Variants in CEP20 observed in about 807,000 individuals in gnomAD.
CEP20 encodes the protein centrosomal protein 20, also known as FGFR1OP N-terminal like.
Under a neutral mutation model 20.0 loss-of-function variants are expected in CEP20, and 18 were observed. The observed-to-expected ratio is 0.90, with a 90% CI of 0.62 to 1.34. CEP20 has a LOEUF of 1.34. Ranked by LOEUF, CEP20 falls within the 40% of genes most tolerant of loss-of-function variation. CEP20 has a pLI of 0.00. For synonymous variants in CEP20, 77 were observed against 73.7 expected, an observed-to-expected ratio of 1.04 and a Z score of -0.23; for missense variants, 215 against 201.6, an observed-to-expected ratio of 1.07 and a Z score of -0.40.
chr16:15,883,033 T>C (rs942091292), intron 2 of CEP20: 3 of 151,324 alleles, frequency 2.0e-5, no homozygotes, highest in East Asian at 2.0e-4. Context: ...GAGATCACAA[T>C]AGAGTGAGAC....
chr16:15,885,487 G>C (rs748370132), intron 1 of CEP20, among the ~76,000 whole-genome samples: 1 of 152,144 alleles, frequency 6.6e-6, no homozygotes, highest in Non-Finnish European at 1.5e-5. Context: ...CAGGCTCCCT[G>C]GTTCAAGCAA....
intron 4 of CEP20, among the ~76,000 whole-genome samples, chr16:15,872,565 G>A (rs1460744463): frequency 1.3e-5 from 2 of 152,050 alleles, no homozygotes; most frequent in Admixed American, 6.6e-5. Flanking sequence ...AAAATTAGCT[G>A]GGTGTGGTGC....
At chr16:15,875,050 G>A (rs1411240269) in intron 3 of CEP20, among the ~76,000 whole-genome samples, 2 of 152,154 alleles carry the variant, frequency 1.3e-5, no homozygotes, top group Non-Finnish European at 2.9e-5. Flanking sequence ...CCTCAAGGGG[G>A]AGCCTGAGCT....
At chr16:15,873,751 A>G in intron 3 of CEP20, 124 bp from the exon 4 acceptor site, 1 of 1,142,870 alleles carries the variant, frequency 8.7e-7, no homozygotes, top group Non-Finnish European at 1.2e-6. Flanking sequence ...GATTCACTAG[A>G]CTTTAAAAAG....
At chr16:15,879,711 G>A (rs1597002615) in intron 3 of CEP20, 93 bp downstream of exon 3, 2 of 739,446 alleles carry the variant, frequency 2.7e-6, no homozygotes, top group East Asian at 2.8e-5. Flanking sequence ...CACTAGATCT[G>A]AATAAATACT....
At chr16:15,872,996 A>G (rs1467026606) in intron 4 of CEP20, among the ~76,000 whole-genome samples, 1 of 152,048 alleles carries the variant, frequency 6.6e-6, no homozygotes, top group Non-Finnish European at 1.5e-5. Context: ...ACTTGATAAA[A>G]AGCTATTTAT....
chr16:15,883,003 G>A (rs2045145594), intron 2 of CEP20: 2 of 152,224 alleles, frequency 1.3e-5, no homozygotes, highest in East Asian at 1.9e-4. Flanking sequence ...GAACCCAGGA[G>A]GCGGAGGATG....
intron 1 of CEP20, 91 bp downstream of exon 1, chr16:15,888,467 A>G (rs1288292460): frequency 6.4e-7 from 1 of 1,552,344 alleles, no homozygotes; most frequent in East Asian, 2.3e-5. Flanking sequence ...AAGCCAACCC[A>G]TGTGTTCCGC....
At chr16:15,880,780 A>G (rs2045078432) in intron 2 of CEP20, among the ~76,000 whole-genome samples, 1 of 151,896 alleles carries the variant, frequency 6.6e-6, no homozygotes, top group Non-Finnish European at 1.5e-5. Flanking sequence ...TCACTGCCTG[A>G]GCTCAGCCTC....
At chr16:15,874,520 A>G (rs1227607423) in intron 3 of CEP20, among the ~76,000 whole-genome samples, 1 of 152,100 alleles carries the variant, frequency 6.6e-6, no homozygotes, top group Non-Finnish European at 1.5e-5. Flanking sequence ...TTATATTAGT[A>G]CTCTTGCATC....
intron 4 of CEP20, among the ~76,000 whole-genome samples, chr16:15,867,830 G>A (rs12598898): frequency 0.067 from 10,194 of 151,736 alleles, 464 homozygotes; most frequent in East Asian, 0.22. Context: ...AAAATTACCC[G>A]GGCGTGGTGG....
At chr16:15,888,392 G>A (rs1192409767) in intron 1 of CEP20, among the ~76,000 whole-genome samples, 166 bp downstream of exon 1, 1 of 152,028 alleles carries the variant, frequency 6.6e-6, no homozygotes, top group African/African-American at 2.4e-5. Flanking sequence ...AGCTCCCCGC[G>A]CACGGGCCAA....
intron 2 of CEP20, among the ~76,000 whole-genome samples, chr16:15,881,151 C>T (rs2045088213): frequency 6.6e-6 from 1 of 152,044 alleles, no homozygotes; most frequent in African/African-American, 2.4e-5. Context: ...TGATTGTGAT[C>T]TGGTAGTAAT....
In CEP20 at chr16:15,866,353, T is replaced by G. The variant is rs1186799332; in HGVS notation, c.*1087A>C. 2 of 152,200 alleles carry G rather than the reference T, an allele frequency of 1.3e-5. No homozygotes were observed. The highest frequency in any genetic ancestry group is 2.9e-5 in the Non-Finnish European group (2 of 68,036). 9.4% of individuals were successfully genotyped at this position (152,200 alleles called of 1,614,324 possible). A position where few individuals can be genotyped will look rare whatever the true frequency, so the allele number is the denominator to read the frequency against. ...CATGGAAAACCTTTAAGCTAAATGT[T>G]GTCAGTGTTTAGGTGTGCAGGCAAA... On this transcript the variant is annotated 3_prime_UTR_variant, in exon 5 of 5. Transcript: ENST00000255759.
chr16:15,872,680 G>C (rs2044849681), intron 4 of CEP20, among the ~76,000 whole-genome samples: 1 of 151,842 alleles, frequency 6.6e-6, no homozygotes. Flanking sequence ...CTGCACTCTA[G>C]TCAGGCGACA....
In CEP20 at chr16:15,865,726, C is replaced by T. The variant is rs2044662817; in HGVS notation, c.*1714G>A. ...ACACCCTTTGCACCAAAGTGACTTG[C>T]TTATTTTTTTTATTAAATGATACAT... On this transcript the variant is annotated 3_prime_UTR_variant, in exon 5 of 5. Coordinates refer to ENST00000255759, the MANE Select transcript of CEP20 (RefSeq NM_144600.4). 6.6e-6 allele frequency: 1 copy of T among 152,004 alleles called. No individual in the cohort carries two copies. Among genetic ancestry groups the T allele is most frequent in the Admixed American group, 6.6e-5 (1 of 15,246 alleles). 9.4% of individuals were successfully genotyped at this position (152,004 alleles called of 1,614,324 possible). A position where few individuals can be genotyped will look rare whatever the true frequency, so the allele number is the denominator to read the frequency against.
chr16:15,888,529 C>T (rs2045301265), intron 1 of CEP20, 29 bp downstream of exon 1: 1 of 1,614,006 alleles, frequency 6.2e-7, no homozygotes, highest in Admixed American at 1.7e-5. Flanking sequence ...CGACGCTTCC[C>T]ATGTGGAGGC....
chr16:15,886,436 T>G (rs570796983), intron 1 of CEP20, among the ~76,000 whole-genome samples: 8 of 152,346 alleles, frequency 5.3e-5, no homozygotes, highest in Non-Finnish European at 1.2e-4. Context: ...GAATCATAAC[T>G]GAACCCCTAT....
chr16:15,869,095 ATG>A (rs34963300), intron 4 of CEP20, among the ~76,000 whole-genome samples: 1 of 150,048 alleles, frequency 6.7e-6, no homozygotes, highest in Non-Finnish European at 1.5e-5. Context: ...AAGAAAAAAA[ATG>A]TGTGTGTGTG....
Sources: allele counts gnomAD v4.1 joint callset (sites outside exome capture counted in the v4.1 genomes callset), GRCh38; gene constraint gnomAD v4.1.1; transcripts MANE v1.5; gene names NCBI Gene and HGNC (gene_info 2026-07-23, HGNC 2026-07-21).